DLG2: variants seen among roughly 807,000 people sequenced by gnomAD.
DLG2 encodes discs large MAGUK scaffold protein 2.
A neutral mutation model predicts 132.5 loss-of-function variants in DLG2; 45 were observed. The ratio of observed to expected loss-of-function variants is 0.34; its 90% confidence interval spans 0.27 to 0.44. DLG2 has a LOEUF of 0.44. Ranked by LOEUF, DLG2 falls within the 20% of genes least tolerant of loss-of-function variation. The probability of loss-of-function intolerance (pLI) is 1.00; values close to 1 mark genes in which losing one functional copy is unlikely to be tolerated. For missense variants in DLG2, 1,045 were observed against 1,196.9 expected, an observed-to-expected ratio of 0.87 and a Z score of 1.87; for synonymous variants, 424 against 419.6, an observed-to-expected ratio of 1.01 and a Z score of -0.13.
intron 7 of DLG2, among the ~76,000 whole-genome samples, chr11:84,309,914 C>T (rs2098269803): frequency 6.6e-6 from 1 of 152,102 alleles, no homozygotes; most frequent in South Asian, 2.1e-4. Context: ...AACTTGAATT[C>T]AATTTACAAG....
At chr11:84,478,221 T>C (rs1321506055) in intron 7 of DLG2, among the ~76,000 whole-genome samples, 1 of 152,144 alleles carries the variant, frequency 6.6e-6, no homozygotes, top group Non-Finnish European at 1.5e-5. Flanking sequence ...AAAAGCTTAA[T>C]AGCAATGCCT....
intron 3 of DLG2, among the ~76,000 whole-genome samples, chr11:85,464,219 A>G (rs1002525411): frequency 6.6e-6 from 1 of 152,166 alleles, no homozygotes; most frequent in African/African-American, 2.4e-5. Context: ...GCATTTTGTA[A>G]TCACCAGATG....
chr11:85,184,634 A>C (rs986188421), intron 4 of DLG2, among the ~76,000 whole-genome samples: 1 of 151,906 alleles, frequency 6.6e-6, no homozygotes, highest in East Asian at 1.9e-4. Flanking sequence ...GGAATTAGGT[A>C]ATCATTAGCC....
intron 6 of DLG2, among the ~76,000 whole-genome samples, chr11:85,030,629 A>G (rs1424416031): frequency 6.6e-6 from 1 of 152,158 alleles, no homozygotes; most frequent in Non-Finnish European, 1.5e-5. Flanking sequence ...CTATTTTACA[A>G]TAAATTAAAA....
chr11:84,918,182 G>A (rs1397437572), intron 6 of DLG2, among the ~76,000 whole-genome samples: 1 of 152,110 alleles, frequency 6.6e-6, no homozygotes, highest in African/African-American at 2.4e-5. Context: ...AAAAAATCAA[G>A]AAAATAGTTT....
At chr11:83,829,285 C>T (rs977463002) in intron 17 of DLG2, among the ~76,000 whole-genome samples, 2 of 150,908 alleles carry the variant, frequency 1.3e-5, no homozygotes, top group Non-Finnish European at 2.9e-5. Flanking sequence ...CAGCCTCTGC[C>T]TCCTGGGTTC....
chr11:83,839,036 T>C (rs571410133), intron 16 of DLG2, among the ~76,000 whole-genome samples: 102 of 152,332 alleles, frequency 6.7e-4, no homozygotes, highest in African/African-American at 2.4e-3. Flanking sequence ...TCATTGCCCA[T>C]TACCCATTTA....
At position 83,786,751 on chromosome 11, in the gene DLG2, T is replaced by C. The variant is rs751135772; in HGVS notation, c.1764A>G (p.Ala588=). The C allele has an allele frequency of 6.2e-7, 1 of 1,614,180 alleles. No individual in the cohort carries two copies. The highest frequency in any genetic ancestry group is 8.5e-7 in the Non-Finnish European group (1 of 1,180,032). Residue 588 remains alanine, a synonymous_variant, in exon 18 of 28, where the codon GCA becomes GCG. Transcript: ENST00000376104. ...GTCCAGCCCCCTTTAGTGCAGCAGC[T>C]GCCTGCTCGTGGGATGCACCACGGA... The part of the protein sequence containing the change: ...IDLRGASHEQ[A]AAALKGAGQT...
Position 84,543,403 on chromosome 11 carries a change from C to T in DLG2, c.358-8672G>A, listed in dbSNP as rs535721464. Among the ~76,000 whole-genome samples, 79 of 152,272 alleles carry T rather than the reference C, an allele frequency of 5.2e-4. No individual in the cohort carries two copies. The South Asian group carries it at 0.015, about 28-fold the overall frequency. ...TGCCTCTGCACACCGCACACTGCTC[C>T]CTGCTTCATAGGCTTTCAGGGCACC... On this transcript the variant is annotated intron_variant, in intron 6 of 27. Coordinates refer to ENST00000376104, the MANE Select transcript of DLG2 (RefSeq NM_001142699.3).
At chr11:85,173,528 G>A (rs892989305) in intron 4 of DLG2, among the ~76,000 whole-genome samples, 2 of 151,990 alleles carry the variant, frequency 1.3e-5, no homozygotes, top group African/African-American at 4.8e-5. Context: ...AAAACACACT[G>A]AAGTACACAG....
In DLG2 at chr11:84,714,657, C is replaced by CTCTCTT. The variant is rs2060995371; in HGVS notation, c.358-179927_358-179926insAAGAGA. Reference sequence around the variant, plus strand: ...TCTCTCTCTCTCTCTTTCTCTCTCTCTCTCTCTCTCTCTCTCTGCCTCCCC... The same window carrying CTCTCTT: ...TCTCTCTCTCTCTCTTTCTCTCTCTCTCTCTTTCTCTCTCTCTCTCTCTGCCTCCCC... On this transcript the variant is annotated intron_variant, in intron 6 of 27. Coordinates refer to ENST00000376104, the MANE Select transcript of DLG2 (RefSeq NM_001142699.3). Among the ~76,000 whole-genome samples, 4 of 143,466 alleles carry CTCTCTT rather than the reference C, an allele frequency of 2.8e-5. 1 individual carries two copies. Among genetic ancestry groups the CTCTCTT allele is most frequent in the African/African-American group, 1.1e-4 (4 of 36,008 alleles). 94.1% of individuals were successfully genotyped at this position (143,466 alleles called of 152,430 possible).
chr11:85,463,274 A>G (rs2092675972), intron 3 of DLG2, among the ~76,000 whole-genome samples: 1 of 152,208 alleles, frequency 6.6e-6, no homozygotes, highest in Non-Finnish European at 1.5e-5. Context: ...TAATAACTGC[A>G]AAGTGGTTAA....
At chr11:85,137,009 T>G (rs1055134037) in intron 5 of DLG2, among the ~76,000 whole-genome samples, 1 of 151,944 alleles carries the variant, frequency 6.6e-6, no homozygotes, top group African/African-American at 2.4e-5. Flanking sequence ...TATACATATG[T>G]GCATACATAA....
chr11:85,060,012 T>A (rs2063880993), intron 6 of DLG2, among the ~76,000 whole-genome samples: 1 of 151,544 alleles, frequency 6.6e-6, no homozygotes, highest in Non-Finnish European at 1.5e-5. Flanking sequence ...CATTATTAAC[T>A]ATAAGCACAA....
chr11:84,168,965 C>A (rs1316528467), intron 8 of DLG2, among the ~76,000 whole-genome samples: 1 of 152,104 alleles, frequency 6.6e-6, no homozygotes, highest in Non-Finnish European at 1.5e-5. Context: ...CTGCTCTTTA[C>A]ACTTGACCTT....
intron 4 of DLG2, among the ~76,000 whole-genome samples, chr11:85,202,555 C>A (rs187757207): frequency 2.3e-4 from 35 of 152,196 alleles, no homozygotes; most frequent in Non-Finnish European, 2.6e-4. Flanking sequence ...ACCTAACAGG[C>A]ATTTATAGAA....
intron 6 of DLG2, among the ~76,000 whole-genome samples, chr11:84,854,451 C>A (rs1037748629): frequency 6.6e-6 from 1 of 151,984 alleles, no homozygotes; most frequent in Admixed American, 6.6e-5. Context: ...GATGCTACCA[C>A]CACTACCAAT....
At chr11:83,827,158 GA>G (rs1431749484) in intron 17 of DLG2, among the ~76,000 whole-genome samples, 4 of 152,114 alleles carry the variant, frequency 2.6e-5, no homozygotes, top group Non-Finnish European at 4.4e-5. Context: ...ACCACTTCAG[GA>G]AATCGAAGAA....
Position 85,599,348 on chromosome 11 carries a change from TTC to T in DLG2, c.-92-562_-92-561del, listed in dbSNP as rs373131909. 9.9e-3 allele frequency among the ~76,000 whole-genome samples: 1,447 copies of T among 146,764 alleles called. 20 individuals carry two copies. Among genetic ancestry groups the T allele is most frequent in the African/African-American group, 0.03 (1,219 of 40,348 alleles). On this transcript the variant is annotated intron_variant, in intron 2 of 27. Transcript: ENST00000376104. Reference sequence around the variant, plus strand: ...CTTGCTCTCTCCCCCACCTCTCTCTTTCTCTCTCTCTCTCTCTCTCTACTTTT... The same window carrying T: ...CTTGCTCTCTCCCCCACCTCTCTCTTTCTCTCTCTCTCTCTCTCTACTTTT...
Sources: allele counts gnomAD v4.1 joint callset (sites outside exome capture counted in the v4.1 genomes callset), GRCh38; gene constraint gnomAD v4.1.1; transcripts MANE v1.5; gene names NCBI Gene and HGNC (gene_info 2026-07-23, HGNC 2026-07-21).